Variants in GNL1 observed in about 807,000 individuals in gnomAD.
GNL1 encodes the protein guanine nucleotide-binding protein-like 1.
A neutral mutation model predicts 75.2 loss-of-function variants in GNL1; 21 were observed. The observed-to-expected ratio is 0.28, with a 90% CI of 0.20 to 0.40. The LOEUF (loss-of-function observed/expected upper bound fraction) is 0.40, where lower values mean the gene tolerates loss of function less well. GNL1 is among the 10% of genes least tolerant of loss of function. GNL1 has a pLI of 1.00. For synonymous variants in GNL1, 287 were observed against 303.4 expected, an observed-to-expected ratio of 0.95 and a Z score of 0.56; for missense variants, 579 against 775.0, an observed-to-expected ratio of 0.75 and a Z score of 3.00.
At position 30,552,163 on chromosome 6, in the gene GNL1, G is replaced by A. The variant is rs2127375991; in HGVS notation, c.1099+304C>T. Reference sequence around the variant, plus strand: ...ATATAGGCATGAGCCCTCACACATGGCCGTCATCCATTCTTTTACTCAGGT... The same window carrying A: ...ATATAGGCATGAGCCCTCACACATGACCGTCATCCATTCTTTTACTCAGGT... On this transcript the variant is annotated intron_variant, in intron 8 of 11. Coordinates refer to ENST00000376621, the MANE Select transcript of GNL1 (RefSeq NM_005275.5). This position sits in a 1 kb window ranked among gnomAD's most constrained non-coding sequence, Gnocchi z 4.5. 5.2e-6 allele frequency: 2 copies of A among 387,392 alleles called. No individual in the cohort carries two copies. Among genetic ancestry groups the A allele is most frequent in the South Asian group, 1.4e-4 (2 of 14,630 alleles). The allele number at this position is 387,392 out of a possible 1,614,324, so 24.0% of individuals were successfully genotyped here.
rs577375329 is a variant in GNL1 at position 30,544,736 on chromosome 6, C to G, written c.*1336G>C. The G allele has an allele frequency of 6.6e-6, 1 of 152,320 alleles. No homozygotes were observed. The highest frequency in any genetic ancestry group is 1.9e-4 in the East Asian group (1 of 5,192). 9.4% of individuals were successfully genotyped at this position (152,320 alleles called of 1,614,324 possible). On this transcript the variant is annotated 3_prime_UTR_variant, in exon 12 of 12. Coordinates refer to ENST00000376621, the MANE Select transcript of GNL1 (RefSeq NM_005275.5). ...AAACACCTTAGCCTCTTTAAATATA[C>G]TTTCCTTTGCTCCTTGGTTAACAGG...
intron 8 of GNL1, among the ~76,000 whole-genome samples, chr6:30,551,059 T>C (rs1481222672): frequency 1.3e-5 from 2 of 152,238 alleles, no homozygotes; most frequent in Non-Finnish European, 1.5e-5. Context: ...CAGACCTTTT[T>C]GCCATTTCCA....
rs1425301291 is a variant in GNL1 at position 30,554,925 on chromosome 6, C to G, written c.377-10G>C. 6.2e-7 allele frequency: 1 copy of G among 1,612,692 alleles called. No homozygotes were observed. The highest frequency in any genetic ancestry group is 8.5e-7 in the Non-Finnish European group (1 of 1,179,808). On this transcript the variant is annotated splice_polypyrimidine_tract_variant and intron_variant, in intron 3 of 11. Coordinates refer to ENST00000376621, the MANE Select transcript of GNL1 (RefSeq NM_005275.5). ...CGAGGAAAGTCCAGAACTGGGAATTCAGGAAAAAGTCCAAGTGTGAGGAAA... is the reference window on the plus strand; with the variant it reads ...CGAGGAAAGTCCAGAACTGGGAATTGAGGAAAAAGTCCAAGTGTGAGGAAA...
At chr6:30,551,867 A>G (rs1799801851) in intron 8 of GNL1, among the ~76,000 whole-genome samples, 1 of 151,938 alleles carries the variant, frequency 6.6e-6, no homozygotes, top group Non-Finnish European at 1.5e-5. Context: ...CATTCCTCAC[A>G]TCCATTCTTT....
intron 5 of GNL1, 95 bp downstream of exon 5, chr6:30,554,480 T>C (rs778995593): frequency 1.4e-5 from 11 of 790,068 alleles, no homozygotes; most frequent in Non-Finnish European, 2.3e-5. Context: ...GACAGGAAGA[T>C]AGATACCTCT....
In GNL1 at chr6:30,555,910, C is replaced by T. The variant is rs1800139059; in HGVS notation, c.74-190G>A. ...CTCCTTCAGGGAGCAGTGGGGACGG[C>T]GCCCCGTGCTAGCTGGAGGGATTCC... On this transcript the variant is annotated intron_variant, in intron 1 of 11. Coordinates refer to ENST00000376621, the MANE Select transcript of GNL1 (RefSeq NM_005275.5). This position sits in a 1 kb window ranked among gnomAD's most constrained non-coding sequence, Gnocchi z 4.3. 1.3e-6 allele frequency: 1 copy of T among 787,940 alleles called. No individual in the cohort carries two copies. The highest frequency in any genetic ancestry group is 1.7e-5 in the African/African-American group (1 of 58,082). 48.8% of individuals were successfully genotyped at this position (787,940 alleles called of 1,614,324 possible).
chr6:30,555,448 T>A lies in GNL1; in HGVS notation c.239+107A>T. 8.7e-7 allele frequency: 1 copy of A among 1,153,664 alleles called. No individual in the cohort carries two copies. The highest frequency in any genetic ancestry group is 1.2e-6 in the Non-Finnish European group (1 of 802,084). The allele number at this position is 1,153,664 out of a possible 1,614,324, so 71.5% of individuals were successfully genotyped here. ...GAGCCGAGTGGCTAGCGGAGAACTG[T>A]GGCATCCCAGGCCCACCGTCTTCAC... On this transcript the variant is annotated intron_variant, in intron 2 of 11. Coordinates refer to ENST00000376621, the MANE Select transcript of GNL1 (RefSeq NM_005275.5). The surrounding 1 kb of genome is among the most constrained non-coding windows in gnomAD (Gnocchi z 4.3).
rs1800198988 is a variant in GNL1, at chr6:30,556,401, T to C, written c.-198A>G. The C allele has an allele frequency of 4.9e-6, 3 of 612,490 alleles. No homozygotes were observed. The highest frequency in any genetic ancestry group is 2.9e-5 in the Admixed American group (1 of 34,100). 37.9% of individuals were successfully genotyped at this position (612,490 alleles called of 1,614,324 possible). On this transcript the variant is annotated 5_prime_UTR_variant, in exon 1 of 12. Transcript: ENST00000376621. The surrounding 1 kb of genome is among the most constrained non-coding windows in gnomAD (Gnocchi z 5.7). ...GACGGGGGAGATATAGTCACTTCCC[T>C]CCAGGAGCGAGGCGAGAGGATGATG...
In GNL1 at chr6:30,555,666, C is replaced by CGCTCCCG. The variant is rs1554306592; in HGVS notation, c.121_127dup (p.Arg43ProfsTer24). ...CGAGGTGTCGGTCTGTTCCTCTCGCCGCTCCCGGCTCCCGCTGCGGCTGTT... is the reference window on the plus strand; with the variant it reads ...CGAGGTGTCGGTCTGTTCCTCTCGCCGCTCCCGGCTCCCGGCTCCCGCTGCGGCTGTT... On this transcript the variant is annotated frameshift_variant, in exon 2 of 12. Coordinates refer to ENST00000376621, the MANE Select transcript of GNL1 (RefSeq NM_005275.5). LOFTEE classifies it high-confidence loss of function. This position sits in a 1 kb window ranked among gnomAD's most constrained non-coding sequence, Gnocchi z 4.3. The CGCTCCCG allele has an allele frequency of 1.2e-6, 2 of 1,614,048 alleles. No individual in the cohort carries two copies. The highest frequency in any genetic ancestry group is 2.2e-5 in the East Asian group (1 of 44,882).
rs1479198828 is a variant in GNL1 at position 30,555,928 on chromosome 6, G to C, written c.73+203C>G. 1.2e-6 allele frequency: 1 copy of C among 800,532 alleles called. No homozygotes were observed. The highest frequency in any genetic ancestry group is 2.0e-6 in the Non-Finnish European group (1 of 503,930). The allele number at this position is 800,532 out of a possible 1,614,324, so 49.6% of individuals were successfully genotyped here. A position where few individuals can be genotyped will look rare whatever the true frequency, so the allele number is the denominator to read the frequency against. ...GGGACGGCGCCCCGTGCTAGCTGGAGGGATTCCCCTCCCCCAACTCTCCAT... is the reference window on the plus strand; with the variant it reads ...GGGACGGCGCCCCGTGCTAGCTGGACGGATTCCCCTCCCCCAACTCTCCAT... On this transcript the variant is annotated intron_variant, in intron 1 of 11. Coordinates refer to ENST00000376621, the MANE Select transcript of GNL1 (RefSeq NM_005275.5). The surrounding 1 kb of genome is among the most constrained non-coding windows in gnomAD (Gnocchi z 4.3).
rs528177937 is a variant in GNL1 at position 30,553,987 on chromosome 6, G to A, written c.601-430C>T. On this transcript the variant is annotated intron_variant, in intron 5 of 11. Transcript: ENST00000376621. ...TGTGTGTTAATGTGACTGTGAACAT[G>A]TGTGCAAACATGCCTGTGTATATTG... is the stretch of plus-strand genomic sequence containing the variant. Among the ~76,000 whole-genome samples the A allele has an allele frequency of 2.0e-5, 3 of 152,354 alleles. No homozygotes were observed. The East Asian group carries it at 5.8e-4, about 29-fold the overall frequency.
Position 30,543,141 on chromosome 6 carries a change from C to G in GNL1, c.*2931G>C, listed in dbSNP as rs1799262724. ...TTCACCAAGACCAGCTTAACTGCCC[C>G]TACTGGCTGTTCCTATAGCAATTCT... On this transcript the variant is annotated 3_prime_UTR_variant, in exon 12 of 12. Transcript: ENST00000376621. 6.6e-6 allele frequency: 1 copy of G among 152,316 alleles called. No individual in the cohort carries two copies. Among genetic ancestry groups the G allele is most frequent in the Non-Finnish European group, 1.5e-5 (1 of 68,070 alleles). The allele number at this position is 152,316 out of a possible 1,614,324, so 9.4% of individuals were successfully genotyped here. A position where few individuals can be genotyped will look rare whatever the true frequency, so the allele number is the denominator to read the frequency against.
chr6:30,550,181 T>A (rs986016117), intron 8 of GNL1, among the ~76,000 whole-genome samples: 1 of 152,132 alleles, frequency 6.6e-6, no homozygotes, highest in African/African-American at 2.4e-5. Flanking sequence ...CAAATTTAAA[T>A]CTTTCCCAAA....
At chr6:30,549,826 T>A (rs1799662375) in intron 8 of GNL1, among the ~76,000 whole-genome samples, 1 of 111,350 alleles carries the variant, frequency 9.0e-6, no homozygotes, top group Non-Finnish European at 1.7e-5. Flanking sequence ...ATTCCATGGC[T>A]TTTTTTTTTT....
chr6:30,549,825 CTT>C (rs535787672), intron 8 of GNL1, among the ~76,000 whole-genome samples: 50 of 129,342 alleles, frequency 3.9e-4, no homozygotes, highest in Admixed American at 5.5e-4. Flanking sequence ...AATTCCATGG[CTT>C]TTTTTTTTTT....
At chr6:30,554,001 C>T (rs977309594) in intron 5 of GNL1, among the ~76,000 whole-genome samples, 2 of 152,144 alleles carry the variant, frequency 1.3e-5, no homozygotes, top group Non-Finnish European at 2.9e-5. Flanking sequence ...GCAAACATGC[C>T]TGTGTATATT....
In GNL1 at chr6:30,555,254, CCT is replaced by C. The variant is rs1800073774; in HGVS notation, c.240-65_240-64del. On this transcript the variant is annotated intron_variant, in intron 2 of 11. Transcript: ENST00000376621. The surrounding 1 kb of genome is among the most constrained non-coding windows in gnomAD (Gnocchi z 4.3). Reference sequence around the variant, plus strand: ...GTGGCCACAAACTCCTATTTTCTCCCCTCTTGTACAATCAACTTCGCAAACCA... The same window carrying C: ...GTGGCCACAAACTCCTATTTTCTCCCCTTGTACAATCAACTTCGCAAACCA... The C allele has an allele frequency of 6.9e-6, 11 of 1,596,702 alleles. No individual in the cohort carries two copies. The Admixed American group carries it at 1.8e-4, about 27-fold the overall frequency.
At chr6:30,549,892 T>C (rs1032692663) in intron 8 of GNL1, among the ~76,000 whole-genome samples, 6 of 151,338 alleles carry the variant, frequency 4.0e-5, no homozygotes, top group Non-Finnish European at 5.9e-5. Flanking sequence ...GGTATGATCT[T>C]GGCTCACCGT....
intron 5 of GNL1, among the ~76,000 whole-genome samples, chr6:30,554,026 G>A (rs1799975887): frequency 6.6e-6 from 1 of 152,260 alleles, no homozygotes; most frequent in African/African-American, 2.4e-5. Context: ...TGCACATGAT[G>A]TACGTGTGAG....
Sources: allele counts gnomAD v4.1 joint callset (sites outside exome capture counted in the v4.1 genomes callset), GRCh38; gene constraint gnomAD v4.1.1; non-coding constraint Gnocchi (gnomAD v3.1); transcripts MANE v1.5; gene names NCBI Gene and HGNC (gene_info 2026-07-23, HGNC 2026-07-21).